The following RBM27 variants were observed in gnomAD, a reference collection of about 807,000 sequenced individuals.
The protein encoded by RBM27 is RNA-binding protein 27.
RBM27 carries 22 observed loss-of-function variants against 135.3 expected under a neutral mutation model. That is an observed-to-expected ratio of 0.16 (90% CI 0.12 to 0.23). The LOEUF (loss-of-function observed/expected upper bound fraction) is 0.23. Ranked by LOEUF, RBM27 falls within the 10% of genes least tolerant of loss-of-function variation. The probability of loss-of-function intolerance (pLI) is 1.00; values close to 1 mark genes in which losing one functional copy is unlikely to be tolerated. For missense variants in RBM27, 1,009 were observed against 1,281.0 expected (o/e 0.79, Z 3.24); for synonymous variants, 481 against 442.4 (o/e 1.09, Z -1.10).
chr5:146,284,565 A>G, intron 19 of RBM27, 57 bp from the exon 20 acceptor site: 2 of 1,095,866 alleles, frequency 1.8e-6, no homozygotes, highest in Non-Finnish European at 2.8e-6. Context: ...CAGAATTTGC[A>G]GAAATCATTA....
chr5:146,234,668 T>A (rs1447301899), intron 7 of RBM27, among the ~76,000 whole-genome samples: 1 of 151,998 alleles, frequency 6.6e-6, no homozygotes, highest in Non-Finnish European at 1.5e-5. Flanking sequence ...ATTGAAAAAA[T>A]TATGGAATGA....
chr5:146,283,150 C>T (rs1238968486), intron 19 of RBM27, among the ~76,000 whole-genome samples: 1 of 152,046 alleles, frequency 6.6e-6, no homozygotes, highest in Non-Finnish European at 1.5e-5. Flanking sequence ...ATGAACAAAA[C>T]AAGCAGGGAA....
intron 14 of RBM27, 86 bp from the exon 15 acceptor site, chr5:146,267,563 T>C: frequency 1.2e-6 from 1 of 843,152 alleles, no homozygotes; most frequent in Non-Finnish European, 1.9e-6. Flanking sequence ...AGTAGAAATA[T>C]ATGCATCTTT....
intron 18 of RBM27, 67 bp from the exon 19 acceptor site, chr5:146,271,416 G>A: frequency 1.6e-6 from 2 of 1,266,362 alleles, no homozygotes; most frequent in African/African-American, 1.5e-5. Context: ...AAAAAAAAAA[G>A]TTTTCCTTTG....
intron 2 of RBM27, among the ~76,000 whole-genome samples, chr5:146,221,802 C>A (rs922971843): frequency 2.0e-5 from 3 of 152,136 alleles, no homozygotes; most frequent in African/African-American, 7.2e-5. Flanking sequence ...TGGCTAGTGG[C>A]TACTATATTG....
At chr5:146,264,464 C>T (rs985492022) in intron 14 of RBM27, among the ~76,000 whole-genome samples, 8 of 151,904 alleles carry the variant, frequency 5.3e-5, no homozygotes, top group Admixed American at 1.3e-4. Flanking sequence ...CCACTGCACC[C>T]GGCTGAATTT....
chr5:146,212,800 C>T (rs1581136542), intron 1 of RBM27, among the ~76,000 whole-genome samples: 3 of 151,618 alleles, frequency 2.0e-5, no homozygotes, highest in African/African-American at 4.8e-5. Flanking sequence ...ACCTCCGTCT[C>T]CTGGATGGAT....
At chr5:146,262,454 A>G (rs548228546) in intron 13 of RBM27, among the ~76,000 whole-genome samples, 1 of 152,248 alleles carries the variant, frequency 6.6e-6, no homozygotes, top group Non-Finnish European at 1.5e-5. Context: ...TGTCTGGTAC[A>G]TATTGCTCAA....
At chr5:146,281,608 A>C (rs527399766) in intron 19 of RBM27, among the ~76,000 whole-genome samples, 2 of 152,332 alleles carry the variant, frequency 1.3e-5, no homozygotes, top group South Asian at 2.1e-4. Flanking sequence ...GTTGGGCTGC[A>C]TTCAAAGCCA....
intron 1 of RBM27, among the ~76,000 whole-genome samples, chr5:146,217,695 T>C (rs1450866829): frequency 6.6e-6 from 1 of 152,114 alleles, no homozygotes; most frequent in East Asian, 1.9e-4. Flanking sequence ...TTATAGGTTA[T>C]ATAATCACTT....
At chr5:146,239,604 A>G (rs1315974439) in intron 8 of RBM27, among the ~76,000 whole-genome samples, 1 of 150,422 alleles carries the variant, frequency 6.6e-6, no homozygotes, top group Non-Finnish European at 1.5e-5. Context: ...CAGCCTCCCA[A>G]GTAGCTGGGA....
rs1259304990 is a variant in RBM27 at position 146,286,533 on chromosome 5, T to G, written c.*503T>G. ...AAATATGTTTATTTTAATTTTAATT[T>G]TTTTTTTTTTTTACTTTGGAGGAGC... On this transcript the variant is annotated 3_prime_UTR_variant, in exon 21 of 21. Transcript: ENST00000265271. 1 of 151,382 alleles carries G rather than the reference T, an allele frequency of 6.6e-6. No homozygotes were observed. Among genetic ancestry groups the G allele is most frequent in the South Asian group, 2.1e-4 (1 of 4,822 alleles). 9.4% of individuals were successfully genotyped at this position (151,382 alleles called of 1,614,324 possible).
rs1308137263 is a variant in RBM27, at chr5:146,251,860, A to G, written c.1429A>G (p.Thr477Ala). 2 of 1,613,890 alleles carry G rather than the reference A, an allele frequency of 1.2e-6. No individual in the cohort carries two copies. The highest frequency in any genetic ancestry group is 2.2e-5 in the East Asian group (1 of 44,886). ...ATACCATACCTCAGTCTCCAGCCCT[A>G]CCCCTCTGGTTCCAGGTAAGCTTTG... ...IGYHTSVSSP[T>A]PLVPDTYEPD... Residue 477 changes from threonine (T) to alanine (A), a missense_variant, in exon 9 of 21, where the codon ACC (threonine) becomes GCC (alanine). This residue lies in a region of RBM27 where 329 missense variants were observed against 368.1 expected (regional missense o/e 0.89). Transcript: ENST00000265271.
chr5:146,222,839 G>T (rs762002025), intron 2 of RBM27, among the ~76,000 whole-genome samples: 10 of 152,122 alleles, frequency 6.6e-5, no homozygotes, highest in African/African-American at 1.2e-4. Flanking sequence ...TTTCATATCA[G>T]TAAATATTTA....
At chr5:146,229,252 C>T (rs1051367003) in intron 4 of RBM27, among the ~76,000 whole-genome samples, 13 of 152,024 alleles carry the variant, frequency 8.6e-5, no homozygotes, top group Middle Eastern at 3.4e-3. Context: ...GTGTTTTCCC[C>T]AAGAGCTCAG....
At chr5:146,226,661 G>A (rs918236042) in intron 3 of RBM27, among the ~76,000 whole-genome samples, 2 of 152,078 alleles carry the variant, frequency 1.3e-5, no homozygotes, top group Admixed American at 6.6e-5. Flanking sequence ...GATTACAGGT[G>A]TGAGCCACTG....
intron 19 of RBM27, among the ~76,000 whole-genome samples, chr5:146,277,516 A>C (rs939814314): frequency 1.3e-5 from 2 of 149,032 alleles, no homozygotes; most frequent in Non-Finnish European, 1.5e-5. Flanking sequence ...TTACTGGGAT[A>C]ATTTTTTTTT....
chr5:146,233,816 C>A, intron 7 of RBM27, 73 bp downstream of exon 7: 1 of 1,080,876 alleles, frequency 9.3e-7, no homozygotes, highest in Non-Finnish European at 1.2e-6. Context: ...GCTAACTTGA[C>A]ACTCGTTTAA....
chr5:146,219,076 G>T lies in RBM27; in HGVS notation c.151G>T (p.Asp51Tyr). 6.2e-7 allele frequency: 1 copy of T among 1,610,558 alleles called. No individual in the cohort carries two copies. Among genetic ancestry groups the T allele is most frequent in the South Asian group, 1.1e-5 (1 of 90,626 alleles). The change falls in exon 2 of 21, where the codon GAT becomes TAT. Residue 51 changes from aspartate (D) to tyrosine (Y), a missense_variant. Around this residue, in one of 6 missense-constraint regions of RBM27, gnomAD observed 268 missense variants for 326.6 expected, o/e 0.82. Transcript: ENST00000265271. ...GAAAGAATTAAAAGCCTTTTGTGCT[G>T]ATCAACTTGATGTCTTTTTACAAAA... ...PEKELKAFCA[D>Y]QLDVFLQKET...
Sources: allele counts gnomAD v4.1 joint callset (sites outside exome capture counted in the v4.1 genomes callset), GRCh38; gene constraint gnomAD v4.1.1; regional missense constraint gnomAD v4.1.1; transcripts MANE v1.5; gene names NCBI Gene and HGNC (gene_info 2026-07-23, HGNC 2026-07-21).